Variants in FHOD3 observed in about 807,000 individuals in gnomAD.
The protein encoded by FHOD3 is formin homology 2 domain containing 3.
A neutral mutation model predicts 173.0 loss-of-function variants in FHOD3; 90 were observed. The ratio of observed to expected loss-of-function variants is 0.52; its 90% confidence interval spans 0.44 to 0.62. The LOEUF (loss-of-function observed/expected upper bound fraction) is 0.62. Among genes scored for constraint, FHOD3 ranks in the 20% least tolerant of loss-of-function variants. The probability of loss-of-function intolerance (pLI) is 0.00; values close to 1 mark genes in which losing one functional copy is unlikely to be tolerated. For missense variants in FHOD3, 1,945 were observed against 2,034.7 expected, an observed-to-expected ratio of 0.96 and a Z score of 0.85; for synonymous variants, 828 against 823.0, an observed-to-expected ratio of 1.01 and a Z score of -0.10.
intron 19 of FHOD3, among the ~76,000 whole-genome samples, chr18:36,724,569 G>A (rs1036364223): frequency 6.6e-6 from 1 of 152,158 alleles, no homozygotes; most frequent in African/African-American, 2.4e-5. Flanking sequence ...CTAGAAGCTG[G>A]ACCCAGTCCC....
At chr18:36,470,471 G>T (rs1401804739) in intron 3 of FHOD3, among the ~76,000 whole-genome samples, 1 of 152,230 alleles carries the variant, frequency 6.6e-6, no homozygotes, top group African/African-American at 2.4e-5. Context: ...ATTTGGCATG[G>T]AACTGGGGGA....
At chr18:36,519,613 A>G (rs140767179) in intron 5 of FHOD3, among the ~76,000 whole-genome samples, 1 of 152,208 alleles carries the variant, frequency 6.6e-6, no homozygotes, top group African/African-American at 2.4e-5. Context: ...CCATGGGTCA[A>G]GTGGGCAAGG....
intron 3 of FHOD3, among the ~76,000 whole-genome samples, chr18:36,463,482 T>C (rs115224286): frequency 0.035 from 359 of 10,366 alleles, 12 homozygotes; most frequent in African/African-American, 0.13. Context: ...TTTAAAAATT[T>C]TTTTTGTTTA....
intron 1 of FHOD3, among the ~76,000 whole-genome samples, chr18:36,310,560 G>A (rs1162724103): frequency 6.6e-6 from 1 of 151,974 alleles, no homozygotes; most frequent in African/African-American, 2.4e-5. Context: ...GGTGGTGGGT[G>A]CCCGTAATTC....
At chr18:36,386,133 A>C (rs1830401134) in intron 3 of FHOD3, among the ~76,000 whole-genome samples, 1 of 152,244 alleles carries the variant, frequency 6.6e-6, no homozygotes, top group Non-Finnish European at 1.5e-5. Context: ...TCTTTCCAAC[A>C]AGAAACATGC....
At chr18:36,358,622 G>A (rs2046469093) in intron 2 of FHOD3, among the ~76,000 whole-genome samples, 1 of 152,086 alleles carries the variant, frequency 6.6e-6, no homozygotes, top group African/African-American at 2.4e-5. Context: ...TACAGAGGAA[G>A]GTAGCCCAAA....
intron 14 of FHOD3, among the ~76,000 whole-genome samples, chr18:36,673,825 A>G (rs2037684089): frequency 6.6e-6 from 1 of 152,112 alleles, no homozygotes; most frequent in Non-Finnish European, 1.5e-5. Flanking sequence ...CCTCTCTGAG[A>G]TACATATGTC....
chr18:36,336,110 G>C (rs574484360), intron 1 of FHOD3, among the ~76,000 whole-genome samples: 3 of 152,236 alleles, frequency 2.0e-5, no homozygotes, highest in African/African-American at 7.2e-5. Flanking sequence ...AAACCAAACC[G>C]TGTGGTGGCC....
intron 14 of FHOD3, among the ~76,000 whole-genome samples, chr18:36,671,910 G>A (rs534074899): frequency 1.3e-5 from 2 of 152,296 alleles, no homozygotes; most frequent in South Asian, 2.1e-4. Flanking sequence ...CATTTGTGAC[G>A]ATGTGCCGAA....
intron 5 of FHOD3, among the ~76,000 whole-genome samples, chr18:36,526,321 T>C (rs573997870): frequency 6.6e-6 from 1 of 152,254 alleles, no homozygotes; most frequent in Non-Finnish European, 1.5e-5. Context: ...GCATTATGTT[T>C]CTAAAGATGG....
At chr18:36,612,200 G>A in intron 9 of FHOD3, 105 bp downstream of exon 9, 1 of 1,229,842 alleles carries the variant, frequency 8.1e-7, no homozygotes. Context: ...AGCACCACCA[G>A]CTTATTAGAA....
At chr18:36,605,994 A>C (rs1244805486) in intron 8 of FHOD3, among the ~76,000 whole-genome samples, 1 of 152,182 alleles carries the variant, frequency 6.6e-6, no homozygotes, top group Non-Finnish European at 1.5e-5. Flanking sequence ...AAATAGGAGA[A>C]AGCACACTGG....
chr18:36,760,686 C>T lies in FHOD3; in HGVS notation c.4528C>T (p.His1510Tyr). The change falls in exon 27 of 29, where the codon CAC becomes TAC. Residue 1510 changes from histidine to tyrosine, a missense_variant. This residue lies in a region of FHOD3 where 354 missense variants were observed against 359.9 expected (regional missense o/e 0.98). Transcript: ENST00000590592. ...GLSYAEDAAE[H>Y]ENMKAVLKTS... ...GAGCTATGCGGAGGACGCGGCTGAG[C>T]ACGAGAACATGAAGGCTGTGCTGAA... The T allele has an allele frequency of 6.2e-7, 1 of 1,613,342 alleles. No homozygotes were observed. Among genetic ancestry groups the T allele is most frequent in the Non-Finnish European group, 8.5e-7 (1 of 1,180,036 alleles).
At chr18:36,738,360 G>C (rs561460029) in intron 20 of FHOD3, among the ~76,000 whole-genome samples, 2 of 152,330 alleles carry the variant, frequency 1.3e-5, no homozygotes, top group East Asian at 3.9e-4. Flanking sequence ...GGAATTGCTG[G>C]ATCATATGGT....
intron 3 of FHOD3, among the ~76,000 whole-genome samples, chr18:36,495,260 T>C (rs540163728): frequency 8.5e-5 from 13 of 152,220 alleles, no homozygotes; most frequent in African/African-American, 3.1e-4. Context: ...TTTTTTGACA[T>C]TCACCAGGAA....
intron 3 of FHOD3, among the ~76,000 whole-genome samples, chr18:36,391,597 T>A (rs548070269): frequency 1.6e-4 from 25 of 152,270 alleles, no homozygotes; most frequent in Middle Eastern, 3.4e-3. Context: ...TAACCAGACA[T>A]GCCTGGCTGA....
Position 36,682,956 on chromosome 18 carries a change from G to A in FHOD3, c.1970+1386G>A, listed in dbSNP as rs1444134999. 2.0e-5 allele frequency among the ~76,000 whole-genome samples: 3 copies of A among 152,170 alleles called. No individual in the cohort carries two copies. The East Asian group carries it at 5.8e-4, about 29-fold the overall frequency. ...ATCAAAATATGAGCACAGTTGTGAA[G>A]TTGCTTAACTATAAGTCACTACTTC... On this transcript the variant is annotated intron_variant, in intron 15 of 28. Coordinates refer to ENST00000590592, the MANE Select transcript of FHOD3 (RefSeq NM_001281740.3).
intron 14 of FHOD3, among the ~76,000 whole-genome samples, chr18:36,667,215 T>C (rs1201238672): frequency 1.5e-4 from 23 of 152,218 alleles, no homozygotes; most frequent in Admixed American, 1.5e-3. Flanking sequence ...TGGGTAAATA[T>C]AGTCATTCGT....
rs570892976 is a variant in FHOD3 at position 36,664,721 on chromosome 18, A to G, written c.1835+6533A>G. On this transcript the variant is annotated intron_variant, in intron 14 of 28. Coordinates refer to ENST00000590592, the MANE Select transcript of FHOD3 (RefSeq NM_001281740.3). ...GTTTCCAGTTGTCACTTGCTACATTAGTTTTGTACCATTATTGTACAAAGA... is the reference window on the plus strand; with the variant it reads ...GTTTCCAGTTGTCACTTGCTACATTGGTTTTGTACCATTATTGTACAAAGA... Among the ~76,000 whole-genome samples the G allele has an allele frequency of 4.0e-5, 6 of 149,878 alleles. No homozygotes were observed. The South Asian group carries it at 6.3e-4, about 16-fold the overall frequency.
Sources: gnomAD v4.1 joint callset for allele counts (sites outside exome capture counted in the v4.1 genomes callset) on GRCh38, gnomAD v4.1.1 for gene constraint, gnomAD v4.1.1 regional missense constraint, MANE v1.5 for transcripts, NCBI Gene and HGNC (gene_info 2026-07-23, HGNC 2026-07-21) for gene names.